C10orf90: variants seen among roughly 807,000 people sequenced by gnomAD.
C10orf90 encodes (E2-independent) E3 ubiquitin-conjugating enzyme FATS.
In C10orf90, 56 loss-of-function variants were observed where a neutral mutation model predicts 62.5. The ratio of observed to expected loss-of-function variants is 0.90; its 90% CI spans 0.72 to 1.12. The LOEUF is 1.12. C10orf90 is among the 50% of genes most tolerant of loss of function. The pLI is 0.00. For synonymous variants in C10orf90, 386 were observed against 340.4 expected (o/e 1.13, Z -1.47); for missense variants, 970 against 880.4 (o/e 1.10, Z -1.29).
At chr10:126,575,914 A>C (rs1443954334) in intron 2 of C10orf90, among the ~76,000 whole-genome samples, 2 of 152,150 alleles carry the variant, frequency 1.3e-5, no homozygotes, top group Non-Finnish European at 2.9e-5. Flanking sequence ...CTTGTAAAAA[A>C]TTCAATTCAA....
At chr10:126,527,147 T>C (rs1470487672) in intron 2 of C10orf90, among the ~76,000 whole-genome samples, 1 of 152,162 alleles carries the variant, frequency 6.6e-6, no homozygotes, top group East Asian at 1.9e-4. Context: ...GCCAGACTGT[T>C]TCCCAAAGTG....
Position 126,603,394 on chromosome 10 carries a change from G to A in C10orf90, c.313+43171C>T, listed in dbSNP as rs186440921. The stretch of plus-strand genomic sequence containing the variant: ...CTATCACAAGAAGAGCAGCATGGGG[G>A]TAACCGCCCCCATGATTCAATTACC... On this transcript the variant is annotated intron_variant, in intron 2 of 9. Transcript: ENST00000488181. Among the ~76,000 whole-genome samples the A allele has an allele frequency of 2.5e-4, 38 of 152,190 alleles. 1 individual carries two copies. The highest frequency in any genetic ancestry group is 9.2e-4 in the African/African-American group (38 of 41,500).
At chr10:126,598,294 G>A (rs1455797555) in intron 2 of C10orf90, among the ~76,000 whole-genome samples, 1 of 152,178 alleles carries the variant, frequency 6.6e-6, no homozygotes, top group Non-Finnish European at 1.5e-5. Context: ...AGCAGGGCTA[G>A]CCTTTGGCCC....
At chr10:126,464,273 G>A (rs1392682717) in intron 5 of C10orf90, among the ~76,000 whole-genome samples, 4 of 152,108 alleles carry the variant, frequency 2.6e-5, no homozygotes, top group Admixed American at 6.6e-5. Flanking sequence ...CTTGTTAAGC[G>A]CTGGGGACCT....
intron 2 of C10orf90, among the ~76,000 whole-genome samples, chr10:126,583,644 C>T (rs1352666180): frequency 6.6e-6 from 1 of 152,120 alleles, no homozygotes; most frequent in Non-Finnish European, 1.5e-5. Flanking sequence ...TGGGACCTGC[C>T]AGACAAAGCT....
chr10:126,526,400 A>G (rs1863946238), intron 2 of C10orf90, among the ~76,000 whole-genome samples: 1 of 151,538 alleles, frequency 6.6e-6, no homozygotes, highest in African/African-American at 2.4e-5. Flanking sequence ...ACCCACCACC[A>G]CACCCGGCTA....
chr10:126,552,248 G>C (rs1864651365), intron 2 of C10orf90, among the ~76,000 whole-genome samples: 2 of 152,146 alleles, frequency 1.3e-5, no homozygotes, highest in African/African-American at 4.8e-5. Context: ...GAACCATGTA[G>C]TATACACTCA....
Position 126,504,729 on chromosome 10 carries a change from C to A in C10orf90, c.762G>T (p.Gly254=). The part of the protein sequence containing the change: ...VGPPARALVW[G]TAGDSLCPKC... ...TGGGGCACAGAGAGTCCCCAGCAGT[C>A]CCCCACACCAGGGCGCGGGCTGGGG... is the stretch of plus-strand genomic sequence containing the variant. The change falls in exon 4 of 10, where the codon GGG becomes GGT. Residue 254 remains glycine (G), a synonymous_variant. Coordinates refer to ENST00000488181, the MANE Select transcript of C10orf90 (RefSeq NM_001350921.2). This position sits in a 1 kb window ranked among gnomAD's most constrained non-coding sequence, Gnocchi z 4.1. The A allele has an allele frequency of 6.2e-7, 1 of 1,603,024 alleles. No individual in the cohort carries two copies. Among genetic ancestry groups the A allele is most frequent in the Non-Finnish European group, 8.5e-7 (1 of 1,173,566 alleles).
intron 4 of C10orf90, among the ~76,000 whole-genome samples, chr10:126,469,576 A>G (rs1024751900): frequency 1.3e-5 from 2 of 152,200 alleles, no homozygotes; most frequent in African/African-American, 2.4e-5. Flanking sequence ...TCTCTGGGCC[A>G]TCAACATAAA....
chr10:126,484,207 C>A (rs1212110908), intron 4 of C10orf90, among the ~76,000 whole-genome samples: 2 of 152,194 alleles, frequency 1.3e-5, no homozygotes, highest in Non-Finnish European at 2.9e-5. Context: ...CAGTTCTCTT[C>A]ATGAATACGC....
chr10:126,521,995 G>A (rs1025119530), intron 2 of C10orf90, among the ~76,000 whole-genome samples: 1 of 152,194 alleles, frequency 6.6e-6, no homozygotes, highest in African/African-American at 2.4e-5. Flanking sequence ...GCAGCCTGGC[G>A]TGGTGGCTCA....
At chr10:126,595,357 C>A (rs1845062780) in intron 2 of C10orf90, among the ~76,000 whole-genome samples, 1 of 152,206 alleles carries the variant, frequency 6.6e-6, no homozygotes, top group African/African-American at 2.4e-5. Flanking sequence ...AATGTGCTTG[C>A]AGAGCCTTTG....
intron 1 of C10orf90, among the ~76,000 whole-genome samples, chr10:126,662,794 C>T (rs918620848): frequency 2.7e-5 from 4 of 149,948 alleles, no homozygotes; most frequent in African/African-American, 4.9e-5. Context: ...TGGGTGCCTC[C>T]GTGCATTCTT....
intron 7 of C10orf90, among the ~76,000 whole-genome samples, chr10:126,433,626 C>T (rs950552427): frequency 1.7e-4 from 26 of 152,074 alleles, no homozygotes; most frequent in Admixed American, 1.1e-3. Flanking sequence ...CCCGGCCTGG[C>T]GCAATTGCCT....
chr10:126,471,428 G>A (rs576182228), intron 4 of C10orf90, among the ~76,000 whole-genome samples: 1 of 152,276 alleles, frequency 6.6e-6, no homozygotes, highest in Non-Finnish European at 1.5e-5. Context: ...AGGGGCAGAG[G>A]GGCTGATGAC....
At chr10:126,644,748 C>A (rs1469997292) in intron 2 of C10orf90, among the ~76,000 whole-genome samples, 1 of 152,174 alleles carries the variant, frequency 6.6e-6, no homozygotes, top group Non-Finnish European at 1.5e-5. Flanking sequence ...CCAAGGCATC[C>A]ACATTTAAGT....
intron 4 of C10orf90, among the ~76,000 whole-genome samples, chr10:126,480,745 G>A (rs758936215): frequency 6.6e-6 from 1 of 152,178 alleles, no homozygotes; most frequent in Non-Finnish European, 1.5e-5. Flanking sequence ...GAATCCATAT[G>A]CAAGCACTAA....
chr10:126,491,312 G>A (rs1050964490), intron 4 of C10orf90, among the ~76,000 whole-genome samples: 3 of 152,198 alleles, frequency 2.0e-5, no homozygotes, highest in Admixed American at 6.5e-5. Flanking sequence ...AGGACTGGGG[G>A]TGAAGGAAGA....
intron 2 of C10orf90, among the ~76,000 whole-genome samples, chr10:126,525,076 C>T: frequency 6.6e-6 from 1 of 152,162 alleles, no homozygotes; most frequent in Non-Finnish European, 1.5e-5. Context: ...CCCAGCTTCC[C>T]CCTAAGGGAG....
Sources: allele counts gnomAD v4.1 joint callset (sites outside exome capture counted in the v4.1 genomes callset), GRCh38; gene constraint gnomAD v4.1.1; non-coding constraint Gnocchi (gnomAD v3.1); transcripts MANE v1.5; gene names NCBI Gene and HGNC (gene_info 2026-07-23, HGNC 2026-07-21).